Variants in IQSEC2 observed in about 807,000 individuals in gnomAD.
IQSEC2 encodes the protein IQ motif and Sec7 domain ArfGEF 2.
IQSEC2 carries 6 observed loss-of-function variants against 74.6 expected under a neutral mutation model. The ratio of observed to expected loss-of-function variants is 0.08; its 90% confidence interval spans 0.04 to 0.16. The LOEUF (loss-of-function observed/expected upper bound fraction) is 0.16. Among genes scored for constraint, IQSEC2 ranks in the 10% least tolerant of loss-of-function variants. The pLI is 1.00. For synonymous variants in IQSEC2, 494 were observed against 544.5 expected (o/e 0.91, Z 1.29); for missense variants, 734 against 1,306.2 (o/e 0.56, Z 6.75).
chrX:53,264,853 C>A (rs1347068753), intron 2 of IQSEC2, among the ~76,000 whole-genome samples: 1 of 108,816 alleles, frequency 9.2e-6, no homozygotes, highest in Non-Finnish European at 1.9e-5. Context: ...CCTACTTTCC[C>A]AAAGGATTTC....
intron 2 of IQSEC2, chrX:53,266,303 G>C: frequency 1.5e-6 from 1 of 680,157 alleles, no homozygotes; most frequent in Non-Finnish European, 1.7e-6. Context: ...AAGTGGGGGT[G>C]GGTGGAATAT....
intron 2 of IQSEC2, among the ~76,000 whole-genome samples, chrX:53,260,760 G>T (rs1382903416): frequency 9.0e-6 from 1 of 111,722 alleles, no homozygotes; most frequent in East Asian, 2.8e-4. Context: ...TTAGCTCATT[G>T]AATTCTTGAA....
chrX:53,285,271 G>A (rs999441192), intron 2 of IQSEC2, among the ~76,000 whole-genome samples: 1 of 112,352 alleles, frequency 8.9e-6, no homozygotes, highest in Admixed American at 9.4e-5. Flanking sequence ...GTCTGTAATT[G>A]TCTGTCTCCT....
At chrX:53,238,027 G>A in intron 12 of IQSEC2, 118 bp downstream of exon 12, 1 of 821,312 alleles carries the variant, frequency 1.2e-6, no homozygotes. Context: ...CTTGAAATGA[G>A]GATGGGAAGG....
Position 53,234,309 on chromosome X carries a change from G to T in IQSEC2, c.4377C>A (p.Gly1459=). Reference sequence around the variant, plus strand: ...CAGGGGGCCCAGAGGCGTGCAGCGGGCCATGGGGGGAGGTGGGTGGAAGGG... The same window carrying T: ...CAGGGGGCCCAGAGGCGTGCAGCGGTCCATGGGGGGAGGTGGGTGGAAGGG... ...HSPLPPTSPH[G]PLHASGPPGT... is the part of the protein sequence containing the mutation. Residue 1459 remains glycine (G), a synonymous_variant, in exon 15 of 15, where the codon GGC becomes GGA. Coordinates refer to ENST00000642864, the MANE Select transcript of IQSEC2 (RefSeq NM_001111125.3). 2 of 583,378 alleles carry T rather than the reference G, an allele frequency of 3.4e-6. No individual in the cohort carries two copies. Among genetic ancestry groups the T allele is most frequent in the Non-Finnish European group, 4.7e-6 (2 of 426,345 alleles). 48.1% of individuals were successfully genotyped at this position (583,378 alleles called of 1,213,427 possible). A position where few individuals can be genotyped will look rare whatever the true frequency, so the allele number is the denominator to read the frequency against.
At chrX:53,299,938 T>C (rs1448032583) in intron 1 of IQSEC2, among the ~76,000 whole-genome samples, 2 of 110,711 alleles carry the variant, frequency 1.8e-5, no homozygotes, top group African/African-American at 6.6e-5. Flanking sequence ...GTTTGTTTGT[T>C]TGTTTGAGAC....
Position 53,234,763 on chromosome X carries a change from G to A in IQSEC2, c.3923C>T (p.Pro1308Leu), listed in dbSNP as rs1260004392. Residue 1308 changes from proline (P) to leucine (L), a missense_variant, in exon 15 of 15, where the codon CCG becomes CTG. This residue lies in a region of IQSEC2 where 249 missense variants were observed against 467.9 expected (regional missense o/e 0.53). Transcript: ENST00000642864. Reference protein sequence around the residue: ...PPLPQLGSIPPPPASAPPVGP... With the variant: ...PPLPQLGSIPLPPASAPPVGP... ...CACAGGTGGGGCTGAGGCGGGAGGC[G>A]GTGGAATGGAGCCCAGCTGGGGCAA... is the stretch of plus-strand genomic sequence containing the variant. 2 of 1,120,983 alleles carry A rather than the reference G, an allele frequency of 1.8e-6. No individual in the cohort carries two copies. Among genetic ancestry groups the A allele is most frequent in the Non-Finnish European group, 2.4e-6 (2 of 850,273 alleles). The allele number at this position is 1,120,983 out of a possible 1,213,427, so 92.4% of individuals were successfully genotyped here. A position where few individuals can be genotyped will look rare whatever the true frequency, so the allele number is the denominator to read the frequency against.
In IQSEC2 at chrX:53,254,851, C is replaced by T; in HGVS notation, c.1080G>A (p.Gln360=). 1 of 1,209,764 alleles carries T rather than the reference C, an allele frequency of 8.3e-7. No individual in the cohort carries two copies. Among genetic ancestry groups the T allele is most frequent in the South Asian group, 1.8e-5 (1 of 56,424 alleles). Residue 360 remains glutamine (Q), a synonymous_variant, in exon 4 of 15, where the codon CAG becomes CAA. Transcript: ENST00000642864. ...GCTCAAAGTTCTTGTTCATGCGGTA[C>T]TGGCGGAAGGCTGTCTGGATGGTCC... ...AARTIQTAFR[Q]YRMNKNFERL...
intron 8 of IQSEC2, among the ~76,000 whole-genome samples, chrX:53,246,738 C>T (rs1234435394): frequency 1.8e-5 from 2 of 112,047 alleles, no homozygotes; most frequent in African/African-American, 6.5e-5. Context: ...ATGTTCACTG[C>T]TTGAACCCCA....
chrX:53,265,271 T>C (rs782216810), intron 2 of IQSEC2, among the ~76,000 whole-genome samples: 14 of 109,483 alleles, frequency 1.3e-4, no homozygotes, highest in Non-Finnish European at 2.5e-4. Context: ...GGAGGTGAGG[T>C]TCTAGGAAAC....
At chrX:53,258,093 T>C (rs2074505657) in intron 2 of IQSEC2, among the ~76,000 whole-genome samples, 1 of 111,444 alleles carries the variant, frequency 9.0e-6, no homozygotes, top group Non-Finnish European at 1.9e-5. Context: ...GCTCATACAG[T>C]ACCTACCACT....
At chrX:53,239,329 G>T in intron 10 of IQSEC2, 35 bp from the exon 11 acceptor site, 1 of 926,717 alleles carries the variant, frequency 1.1e-6, no homozygotes, top group Non-Finnish European at 1.6e-6. Context: ...AAGAGGCAGC[G>T]CTTTGGGTGG....
intron 2 of IQSEC2, among the ~76,000 whole-genome samples, chrX:53,284,288 C>T (rs897316097): frequency 9.1e-6 from 1 of 110,198 alleles, no homozygotes; most frequent in East Asian, 2.9e-4. Context: ...CCATGATGAG[C>T]TGGTGGCAGG....
intron 8 of IQSEC2, among the ~76,000 whole-genome samples, chrX:53,245,531 G>A (rs1720851133): frequency 9.0e-6 from 1 of 111,590 alleles, no homozygotes; most frequent in Admixed American, 9.5e-5. Flanking sequence ...AGGTGCTAAA[G>A]GAACATACTA....
At chrX:53,299,736 G>C (rs1486752503) in intron 1 of IQSEC2, among the ~76,000 whole-genome samples, 1 of 111,059 alleles carries the variant, frequency 9.0e-6, no homozygotes, top group African/African-American at 3.3e-5. Context: ...ATGGGGTTGG[G>C]GAAGGACCAA....
At chrX:53,278,079 C>T (rs1242524873) in intron 2 of IQSEC2, among the ~76,000 whole-genome samples, 27 of 87,101 alleles carry the variant, frequency 3.1e-4, no homozygotes, top group Non-Finnish European at 8.4e-5. Context: ...GGTGCAATCT[C>T]GGCTCACTGC....
At chrX:53,266,949 G>C in intron 2 of IQSEC2, 1 of 1,153,001 alleles carries the variant, frequency 8.7e-7, no homozygotes, top group Non-Finnish European at 1.1e-6. Flanking sequence ...ATAGAAAATG[G>C]CCCTTGTCCT....
At chrX:53,270,933 G>T (rs1287208329) in intron 2 of IQSEC2, among the ~76,000 whole-genome samples, 5 of 110,733 alleles carry the variant, frequency 4.5e-5, no homozygotes, top group Non-Finnish European at 7.6e-5. Flanking sequence ...CTCTCCCTTG[G>T]ATTACTGCAT....
chrX:53,241,344 T>C (rs1407219046), intron 10 of IQSEC2, among the ~76,000 whole-genome samples: 1 of 110,813 alleles, frequency 9.0e-6, no homozygotes, highest in Non-Finnish European at 1.9e-5. Flanking sequence ...TGGGCTCAAG[T>C]GATTCAAACT....
Sources: allele counts gnomAD v4.1 joint callset (sites outside exome capture counted in the v4.1 genomes callset), GRCh38; gene constraint gnomAD v4.1.1; regional missense constraint gnomAD v4.1.1; transcripts MANE v1.5; gene names NCBI Gene and HGNC (gene_info 2026-07-23, HGNC 2026-07-21).